The following ZMYM4 variants were observed in gnomAD, a reference collection of about 807,000 sequenced individuals.
ZMYM4 encodes zinc finger MYM-type protein 4.
ZMYM4 carries 31 observed loss-of-function variants against 183.2 expected under a neutral mutation model. That is an observed-to-expected ratio of 0.17 (90% CI 0.13 to 0.23). ZMYM4 has a LOEUF of 0.23. ZMYM4 is among the 10% of genes least tolerant of loss of function. ZMYM4 has a pLI of 1.00. For synonymous variants in ZMYM4, 592 were observed against 631.2 expected (o/e 0.94, Z 0.93); for missense variants, 1,273 against 1,840.3 (o/e 0.69, Z 5.64).
At chr1:35,379,955 A>G (rs1644417608) in intron 7 of ZMYM4, among the ~76,000 whole-genome samples, 1 of 152,186 alleles carries the variant, frequency 6.6e-6, no homozygotes, top group South Asian at 2.1e-4. Context: ...CACTAATCAT[A>G]GAAAAACAGA....
Position 35,352,259 on chromosome 1 carries a change from ACGCG to A in ZMYM4, c.86-6658_86-6655del, listed in dbSNP as rs376025575. 2.2e-3 allele frequency among the ~76,000 whole-genome samples: 174 copies of A among 77,516 alleles called. 1 individual carries two copies. The East Asian group carries it at 0.025, about 11-fold the overall frequency. The allele number at this position is 77,516 out of a possible 152,430, so 50.9% of individuals were successfully genotyped here. ...ACTAATAATTTAAAAATTAGCGCGCACGCGCGCGCGCACACACACACACACACAC... is the reference window on the plus strand; with the variant it reads ...ACTAATAATTTAAAAATTAGCGCGCACGCGCGCACACACACACACACACAC... On this transcript the variant is annotated intron_variant, in intron 2 of 29. Coordinates refer to ENST00000314607, the MANE Select transcript of ZMYM4 (RefSeq NM_005095.3).
At chr1:35,387,937 A>C (rs1254657225) in intron 13 of ZMYM4, among the ~76,000 whole-genome samples, 1 of 152,218 alleles carries the variant, frequency 6.6e-6, no homozygotes, top group Non-Finnish European at 1.5e-5. Context: ...GATGCCTTAA[A>C]TTATGGTAAC....
intron 9 of ZMYM4, among the ~76,000 whole-genome samples, chr1:35,384,272 C>A: frequency 6.6e-6 from 1 of 152,150 alleles, no homozygotes; most frequent in Non-Finnish European, 1.5e-5. Flanking sequence ...TTTGCTTTTA[C>A]AGTCCTCATT....
rs993969098 is a variant in ZMYM4, at chr1:35,386,020, C to T, written c.1721-54C>T. 13 of 1,299,548 alleles carry T rather than the reference C, an allele frequency of 1.0e-5. No homozygotes were observed. The Admixed American group carries it at 2.6e-4, about 26-fold the overall frequency. 80.5% of individuals were successfully genotyped at this position (1,299,548 alleles called of 1,614,324 possible). A position where few individuals can be genotyped will look rare whatever the true frequency, so the allele number is the denominator to read the frequency against. On this transcript the variant is annotated intron_variant, in intron 10 of 29. Coordinates refer to ENST00000314607, the MANE Select transcript of ZMYM4 (RefSeq NM_005095.3). The stretch of plus-strand genomic sequence containing the variant: ...GTATAGTATTATTTAATTTCTCATA[C>T]TTTTGTGTACATTTGTACATATTAC...
chr1:35,370,078 T>C lies in ZMYM4; in HGVS notation c.890T>C (p.Ile297Thr). The change falls in exon 6 of 30, where the codon ATT becomes ACT. Residue 297 changes from isoleucine to threonine, a missense_variant. Transcript: ENST00000314607. The stretch of plus-strand genomic sequence containing the variant: ...AAAACTCAAGAGGGGGAACTGAAAA[T>C]TAGTGCTGTGTTTTCAGTCAGTGGC... Reference protein sequence around the residue: ...QQKTQEGELKISAVFSVSGSP... With the variant: ...QQKTQEGELKTSAVFSVSGSP... 1.9e-6 allele frequency: 3 copies of C among 1,613,362 alleles called. No homozygotes were observed. The highest frequency in any genetic ancestry group is 2.5e-6 in the Non-Finnish European group (3 of 1,179,568).
chr1:35,401,076 G>C (rs1281101187), intron 23 of ZMYM4, among the ~76,000 whole-genome samples: 3 of 152,158 alleles, frequency 2.0e-5, no homozygotes, highest in Non-Finnish European at 4.4e-5. Flanking sequence ...TACTCAAAAT[G>C]TTATGAACAT....
chr1:35,297,318 A>G (rs192871157), intron 1 of ZMYM4, among the ~76,000 whole-genome samples: 48 of 152,206 alleles, frequency 3.2e-4, no homozygotes, highest in African/African-American at 1.1e-3. Context: ...GTGGTTATAT[A>G]AGAATTAAGA....
rs182668117 is a variant in ZMYM4 at position 35,324,151 on chromosome 1, G to C, written c.40-1209G>C. 6.3e-4 allele frequency among the ~76,000 whole-genome samples: 95 copies of C among 151,984 alleles called. No homozygotes were observed. The Middle Eastern group carries it at 0.014, about 22-fold the overall frequency. ...CTCAGATATGGTATTTATATCTTCA[G>C]TTCAGGGAAATTTTTTTCTGTTATC... is the stretch of plus-strand genomic sequence containing the variant. On this transcript the variant is annotated intron_variant, in intron 1 of 29. Coordinates refer to ENST00000314607, the MANE Select transcript of ZMYM4 (RefSeq NM_005095.3).
chr1:35,298,157 AGGT>A (rs1303617207), intron 1 of ZMYM4, among the ~76,000 whole-genome samples: 1 of 152,188 alleles, frequency 6.6e-6, no homozygotes, highest in African/African-American at 2.4e-5. Context: ...GAAACATCTG[AGGT>A]GGGGCAGGCT....
At chr1:35,410,785 C>T (rs11264154) in intron 26 of ZMYM4, among the ~76,000 whole-genome samples, 4,971 of 152,016 alleles carry the variant, frequency 0.033, 264 homozygotes, top group East Asian at 0.25. Flanking sequence ...CCACTGTGCC[C>T]GGCCAAATTT....
chr1:35,395,901 T>C (rs1372300763), intron 18 of ZMYM4, among the ~76,000 whole-genome samples: 1 of 152,242 alleles, frequency 6.6e-6, no homozygotes, highest in Non-Finnish European at 1.5e-5. Context: ...GGTTAAATAA[T>C]GGAATAAATC....
At chr1:35,418,693 A>AT in intron 29 of ZMYM4, 121 bp downstream of exon 29, 2 of 1,275,862 alleles carry the variant, frequency 1.6e-6, no homozygotes, top group Non-Finnish European at 1.1e-6. Flanking sequence ...TTTACCATGA[A>AT]TTTTTTCCCC....
intron 2 of ZMYM4, among the ~76,000 whole-genome samples, chr1:35,330,344 A>G (rs962497647): frequency 1.3e-5 from 2 of 152,326 alleles, no homozygotes; most frequent in East Asian, 3.9e-4. Flanking sequence ...GTGGTTATCA[A>G]GAAAGCTCTT....
At chr1:35,327,739 A>T (rs1642565270) in intron 2 of ZMYM4, among the ~76,000 whole-genome samples, 1 of 152,208 alleles carries the variant, frequency 6.6e-6, no homozygotes, top group South Asian at 2.1e-4. Flanking sequence ...CCTGCAGGGT[A>T]CTCAGCAAAA....
At chr1:35,343,873 A>G (rs923941937) in intron 2 of ZMYM4, among the ~76,000 whole-genome samples, 1 of 151,676 alleles carries the variant, frequency 6.6e-6, no homozygotes, top group Non-Finnish European at 1.5e-5. Context: ...CAAAAAAAAA[A>G]AACAGAAAAA....
At chr1:35,346,672 A>G (rs200132947) in intron 2 of ZMYM4, among the ~76,000 whole-genome samples, 1 of 145,736 alleles carries the variant, frequency 6.9e-6, no homozygotes, top group Admixed American at 6.9e-5. Flanking sequence ...AAAAAAAAAG[A>G]AAAAAAAAAG....
At chr1:35,345,163 T>C (rs1204130865) in intron 2 of ZMYM4, among the ~76,000 whole-genome samples, 1 of 152,230 alleles carries the variant, frequency 6.6e-6, no homozygotes, top group African/African-American at 2.4e-5. Flanking sequence ...ACTAAATTTA[T>C]TGCTTCTGGG....
chr1:35,334,428 C>G (rs1371007742), intron 2 of ZMYM4, among the ~76,000 whole-genome samples: 1 of 152,160 alleles, frequency 6.6e-6, no homozygotes, highest in African/African-American at 2.4e-5. Flanking sequence ...ATTTCCCAGT[C>G]TGATGGATGT....
chr1:35,392,163 G>A lies in ZMYM4; in HGVS notation c.2588-49G>A, dbSNP rs1420860752. On this transcript the variant is annotated intron_variant, in intron 15 of 29. Transcript: ENST00000314607. The stretch of plus-strand genomic sequence containing the variant: ...CTTCCTTGAAATGGTTTCTGTGTAA[G>A]TACATATAAATCACGTGAGGTTTCC... The A allele has an allele frequency of 3.1e-6, 5 of 1,609,726 alleles. No homozygotes were observed. In the South Asian group the frequency reaches 4.4e-5, roughly 14 times the overall value.
Sources: allele counts gnomAD v4.1 joint callset (sites outside exome capture counted in the v4.1 genomes callset), GRCh38; gene constraint gnomAD v4.1.1; transcripts MANE v1.5; gene names NCBI Gene and HGNC (gene_info 2026-07-23, HGNC 2026-07-21).